Variants in RRP1B observed in about 807,000 individuals in gnomAD.
RRP1B encodes ribosomal RNA processing 1B, also known as ribosomal RNA processing protein 1 homolog B.
A neutral mutation model predicts 80.2 loss-of-function variants in RRP1B; 56 were observed. The ratio of observed to expected loss-of-function variants is 0.70; its 90% CI spans 0.56 to 0.87. The LOEUF is 0.87. Ranked by LOEUF, RRP1B falls within the 40% of genes least tolerant of loss-of-function variation. The pLI is 0.00. For missense variants in RRP1B, 807 were observed against 939.8 expected (o/e 0.86, Z 1.85); for synonymous variants, 351 against 357.6 (o/e 0.98, Z 0.21).
intron 6 of RRP1B, among the ~76,000 whole-genome samples, chr21:43,675,657 A>G (rs1028374607): frequency 6.6e-6 from 1 of 152,156 alleles, no homozygotes; most frequent in Non-Finnish European, 1.5e-5. Flanking sequence ...TATATTCAAA[A>G]CAATAATTCT....
chr21:43,689,023 G>A (rs959598427), intron 13 of RRP1B, among the ~76,000 whole-genome samples: 1 of 152,230 alleles, frequency 6.6e-6, no homozygotes. Flanking sequence ...CAGTCCACCT[G>A]CCTCGGCCTC....
At position 43,691,631 on chromosome 21, in the gene RRP1B, ATTTTTAT is replaced by A. The variant is rs1273195750; in HGVS notation, c.2083+135_2083+141del. On this transcript the variant is annotated intron_variant, in intron 15 of 15. Transcript: ENST00000340648. This position sits in a 1 kb window ranked among gnomAD's most constrained non-coding sequence, Gnocchi z 4.2. ...CTAGCTCCTCACTGCCCATTTCTTT[ATTTTTAT>A]TTTTTTTTTTTTTTTGAGACAGAGT... is the stretch of plus-strand genomic sequence containing the variant. The A allele has an allele frequency of 3.5e-5, 14 of 399,218 alleles. No homozygotes were observed. Among genetic ancestry groups the A allele is most frequent in the Admixed American group, 5.9e-5 (1 of 16,842 alleles). 24.7% of individuals were successfully genotyped at this position (399,218 alleles called of 1,614,324 possible). A position where few individuals can be genotyped will look rare whatever the true frequency, so the allele number is the denominator to read the frequency against.
At chr21:43,683,778 G>A (rs1435566879) in intron 9 of RRP1B, among the ~76,000 whole-genome samples, 2 of 152,034 alleles carry the variant, frequency 1.3e-5, no homozygotes, top group African/African-American at 2.4e-5. Context: ...TCAAGAGTTC[G>A]AGACCAGCCT....
At chr21:43,690,147 G>C in intron 13 of RRP1B, 141 bp from the exon 14 acceptor site, 1 of 824,834 alleles carries the variant, frequency 1.2e-6, no homozygotes, top group Non-Finnish European at 1.9e-6. Flanking sequence ...AGGGCTGTCT[G>C]CAAGTGCGGT....
In RRP1B at chr21:43,688,200, A is replaced by G; in HGVS notation, c.1826A>G (p.Asn609Ser). ...GTGATGTCAAACTTGGTGGAGCACA[A>G]CGGGGTGCTGGAGTCCGAAGCTGGG... ...MRVMSNLVEH[N>S]GVLESEAGQP... is the part of the protein sequence containing the mutation. The change falls in exon 13 of 16, where the codon AAC (asparagine) becomes AGC (serine). Residue 609 changes from asparagine to serine, a missense_variant. Coordinates refer to ENST00000340648, the MANE Select transcript of RRP1B (RefSeq NM_015056.3). The G allele has an allele frequency of 1.3e-6, 2 of 1,574,850 alleles. No homozygotes were observed. The highest frequency in any genetic ancestry group is 1.7e-6 in the Non-Finnish European group (2 of 1,159,420).
chr21:43,674,583 T>C, intron 4 of RRP1B, 53 bp from the exon 5 acceptor site: 1 of 1,092,794 alleles, frequency 9.2e-7, no homozygotes, highest in Admixed American at 2.7e-5. Context: ...TTTCTTACCT[T>C]TCCTTTTTTT....
chr21:43,691,450 A>G lies in RRP1B; in HGVS notation c.2031A>G (p.Thr677=). 1 of 1,613,900 alleles carries G rather than the reference A, an allele frequency of 6.2e-7. No individual in the cohort carries two copies. The highest frequency in any genetic ancestry group is 2.2e-5 in the East Asian group (1 of 44,870). ...PPGPAVQLNK[T]PSSSKKVTFG... The stretch of plus-strand genomic sequence containing the variant: ...TTTCTCTTCTGCAGCTAAACAAGAC[A>G]CCATCCAGCTCCAAGAAAGTCACCT... Residue 677 remains threonine (T), a synonymous_variant, in exon 15 of 16, where the codon ACA becomes ACG. Coordinates refer to ENST00000340648, the MANE Select transcript of RRP1B (RefSeq NM_015056.3). This position sits in a 1 kb window ranked among gnomAD's most constrained non-coding sequence, Gnocchi z 4.2.
chr21:43,693,664 CCT>C lies in RRP1B; in HGVS notation c.*286_*287del. 2.8e-6 allele frequency: 1 copy of C among 352,136 alleles called. No homozygotes were observed. Among genetic ancestry groups the C allele is most frequent in the Non-Finnish European group, 5.1e-6 (1 of 197,530 alleles). 21.8% of individuals were successfully genotyped at this position (352,136 alleles called of 1,614,324 possible). On this transcript the variant is annotated 3_prime_UTR_variant, in exon 16 of 16. Coordinates refer to ENST00000340648, the MANE Select transcript of RRP1B (RefSeq NM_015056.3). This position sits in a 1 kb window ranked among gnomAD's most constrained non-coding sequence, Gnocchi z 4.1. Reference sequence around the variant, plus strand: ...TTCCCATTGGTGTAGGAAATGAGACCCTCTCTGAAGCTGAGGAGAGCACGTTG... The same window carrying C: ...TTCCCATTGGTGTAGGAAATGAGACCCTCTGAAGCTGAGGAGAGCACGTTG...
Position 43,659,703 on chromosome 21 carries a change from C to G in RRP1B, c.39C>G (p.Ala13=), listed in dbSNP as rs1306495549. The change falls in exon 1 of 16, where the codon GCC becomes GCG. Residue 13 remains alanine (A), a synonymous_variant. Transcript: ENST00000340648. This position sits in a 1 kb window ranked among gnomAD's most constrained non-coding sequence, Gnocchi z 4.2. ...PAMQPAEIQF[A]QRLASSEKGI... Reference sequence around the variant, plus strand: ...TGCAGCCGGCCGAGATCCAATTTGCCCAGCGGCTGGCGTCCAGCGAGAAGG... The same window carrying G: ...TGCAGCCGGCCGAGATCCAATTTGCGCAGCGGCTGGCGTCCAGCGAGAAGG... 2.6e-6 allele frequency: 4 copies of G among 1,531,210 alleles called. No individual in the cohort carries two copies. The East Asian group carries it at 7.8e-5, about 30-fold the overall frequency. The allele number at this position is 1,531,210 out of a possible 1,614,324, so 94.9% of individuals were successfully genotyped here.
Position 43,693,138 on chromosome 21 carries a change from G to C in RRP1B, c.2084-52G>C. On this transcript the variant is annotated intron_variant, in intron 15 of 15. Transcript: ENST00000340648. The surrounding 1 kb of genome is among the most constrained non-coding windows in gnomAD (Gnocchi z 4.1). ...GCAGGACGCTGTCTAAGGTGTTGAAGGGACAGCTGTCGGACCCACTTAATA... is the reference window on the plus strand; with the variant it reads ...GCAGGACGCTGTCTAAGGTGTTGAACGGACAGCTGTCGGACCCACTTAATA... 6.3e-7 allele frequency: 1 copy of C among 1,589,974 alleles called. No homozygotes were observed. The highest frequency in any genetic ancestry group is 1.1e-5 in the South Asian group (1 of 89,730).
chr21:43,687,305 A>G (rs528391309), intron 12 of RRP1B, among the ~76,000 whole-genome samples: 7 of 152,218 alleles, frequency 4.6e-5, no homozygotes, highest in Non-Finnish European at 1.0e-4. Context: ...AAACGGACAG[A>G]AGGAAGGCTT....
At position 43,690,394 on chromosome 21, in the gene RRP1B, G is replaced by A; in HGVS notation, c.1973G>A (p.Arg658Lys). The A allele has an allele frequency of 6.2e-7, 1 of 1,614,214 alleles. No individual in the cohort carries two copies. ...TTACCAAAGCCCCTGTTCTTCAGAA[G>A]AGCCAAGAGCAGCACTGCCACCCAC... Reference protein sequence around the residue: ...PFLPKPLFFRRAKSSTATHPP... With the variant: ...PFLPKPLFFRKAKSSTATHPP... Residue 658 changes from arginine to lysine, a missense_variant, in exon 14 of 16, where the codon AGA becomes AAA. Transcript: ENST00000340648.
intron 14 of RRP1B, among the ~76,000 whole-genome samples, chr21:43,690,838 C>G (rs2083083265): frequency 6.6e-6 from 1 of 152,164 alleles, no homozygotes; most frequent in South Asian, 2.1e-4. Flanking sequence ...GGATCCACTT[C>G]CAGGAATGTA....
At position 43,691,297 on chromosome 21, in the gene RRP1B, T is replaced by G; in HGVS notation, c.2020-142T>G. Reference sequence around the variant, plus strand: ...GGTTTCAGTCTTGGCCGCAGTCCCTTTGGCCTCTCCCTATATGTGCCACTC... The same window carrying G: ...GGTTTCAGTCTTGGCCGCAGTCCCTGTGGCCTCTCCCTATATGTGCCACTC... On this transcript the variant is annotated intron_variant, in intron 14 of 15. Transcript: ENST00000340648. The surrounding 1 kb of genome is among the most constrained non-coding windows in gnomAD (Gnocchi z 4.2). The G allele has an allele frequency of 1.4e-6, 1 of 692,222 alleles. No individual in the cohort carries two copies. Among genetic ancestry groups the G allele is most frequent in the Non-Finnish European group, 2.4e-6 (1 of 411,234 alleles). 42.9% of individuals were successfully genotyped at this position (692,222 alleles called of 1,614,324 possible).
At chr21:43,660,380 A>G (rs997336353) in intron 1 of RRP1B, among the ~76,000 whole-genome samples, 3 of 152,292 alleles carry the variant, frequency 2.0e-5, no homozygotes, top group East Asian at 1.9e-4. Context: ...CCGGACCAAC[A>G]TGGTGAAACC....
At chr21:43,686,969 C>A (rs768072845) in intron 12 of RRP1B, 34 bp downstream of exon 12, 2 of 1,606,548 alleles carry the variant, frequency 1.2e-6, no homozygotes. Flanking sequence ...GGGCACGACT[C>A]AGCCCTTGGG....
In RRP1B at chr21:43,676,825, A is replaced by T; in HGVS notation, c.707A>T (p.Lys236Met). ...FVPEETMEEQKTKVGDGDLSA... is the reference protein window; with the variant it reads ...FVPEETMEEQMTKVGDGDLSA... ...CCTGAAGAGACGATGGAGGAACAGA[A>T]GACAAAAGTGGGTGATGGTGACCTC... The change falls in exon 8 of 16, where the codon AAG (lysine) becomes ATG (methionine). Residue 236 changes from lysine (K) to methionine (M), a missense_variant. Transcript: ENST00000340648. 1 of 1,614,256 alleles carries T rather than the reference A, an allele frequency of 6.2e-7. No individual in the cohort carries two copies.
At position 43,688,000 on chromosome 21, in the gene RRP1B, G is replaced by T. The variant is rs777028275; in HGVS notation, c.1626G>T (p.Trp542Cys). Residue 542 changes from tryptophan (W) to cysteine (C), a missense_variant, in exon 13 of 16, where the codon TGG (tryptophan) becomes TGT (cysteine). Trp to Cys is a radical substitution (Grantham distance 215). Transcript: ENST00000340648. Reference protein sequence around the residue: ...VNGSGLSTPAWPPLQQEGPPT... With the variant: ...VNGSGLSTPACPPLQQEGPPT... ...GCAGTGGCCTGTCCACGCCGGCCTG[G>T]CCTCCATTGCAGCAGGAAGGCCCTC... 6 of 1,612,608 alleles carry T rather than the reference G, an allele frequency of 3.7e-6. No homozygotes were observed. Among genetic ancestry groups the T allele is most frequent in the South Asian group, 3.3e-5 (3 of 91,080 alleles).
At position 43,686,859 on chromosome 21, in the gene RRP1B, C is replaced by A; in HGVS notation, c.1065C>A (p.Asp355Glu). 1.2e-6 allele frequency: 2 copies of A among 1,613,850 alleles called. No homozygotes were observed. Among genetic ancestry groups the A allele is most frequent in the Non-Finnish European group, 1.7e-6 (2 of 1,179,902 alleles). The change falls in exon 12 of 16, where the codon GAC (aspartate) becomes GAA (glutamate). Residue 355 changes from aspartate to glutamate, a missense_variant. By Grantham distance (45) the Asp-to-Glu change is conservative. Transcript: ENST00000340648. ...FAEDISADED[D>E]QILSQGKHKK... ...AGGACATTTCTGCTGATGAAGATGA[C>A]CAAATCCTCAGTCAAGGAAAGCATA...
Sources: allele counts gnomAD v4.1 joint callset (sites outside exome capture counted in the v4.1 genomes callset), GRCh38; gene constraint gnomAD v4.1.1; non-coding constraint Gnocchi (gnomAD v3.1); transcripts MANE v1.5; gene names NCBI Gene and HGNC (gene_info 2026-07-23, HGNC 2026-07-21).